MAPKAPK2: variants seen among roughly 807,000 people sequenced by gnomAD.
MAPKAPK2 encodes MAP kinase-activated protein kinase 2.
A neutral mutation model predicts 48.8 loss-of-function variants in MAPKAPK2; 9 were observed. That is an observed-to-expected ratio of 0.18 (90% CI 0.11 to 0.32). The LOEUF is 0.32. Ranked by LOEUF, MAPKAPK2 falls within the 10% of genes least tolerant of loss-of-function variation. The probability of loss-of-function intolerance (pLI) is 1.00; values close to 1 mark genes in which losing one functional copy is unlikely to be tolerated. For synonymous variants in MAPKAPK2, 202 were observed against 190.6 expected, an observed-to-expected ratio of 1.06 and a Z score of -0.49; for missense variants, 331 against 498.3, an observed-to-expected ratio of 0.66 and a Z score of 3.20.
chr1:206,700,315 C>A (rs1553427728), intron 1 of MAPKAPK2, among the ~76,000 whole-genome samples: 2 of 152,142 alleles, frequency 1.3e-5, no homozygotes, highest in African/African-American at 4.8e-5. Flanking sequence ...TCCACTCACA[C>A]CTGGAAGGTT....
Position 206,732,741 on chromosome 1 carries a change from G to A in MAPKAPK2, c.*23G>A, listed in dbSNP as rs377226143. The A allele has an allele frequency of 4.1e-5, 66 of 1,613,202 alleles. No individual in the cohort carries two copies. Among genetic ancestry groups the A allele is most frequent in the Middle Eastern group, 3.3e-4 (2 of 6,070 alleles). ...TGAGCCACCGCGCCCTCCTGCCCAC[G>A]GGAGGACAAGCAATAACTCTCTACA... On this transcript the variant is annotated 3_prime_UTR_variant, in exon 10 of 10. Transcript: ENST00000367103. The surrounding 1 kb of genome is among the most constrained non-coding windows in gnomAD (Gnocchi z 4.4).
At chr1:206,690,841 G>A (rs1189364928) in intron 1 of MAPKAPK2, among the ~76,000 whole-genome samples, 2 of 152,210 alleles carry the variant, frequency 1.3e-5, no homozygotes, top group Non-Finnish European at 2.9e-5. Flanking sequence ...GTTCTTCCTG[G>A]TGGCGTGATG....
chr1:206,711,606 TC>T lies in MAPKAPK2; in HGVS notation c.280-17103del, dbSNP rs1440356572. On this transcript the variant is annotated intron_variant, in intron 1 of 9. Transcript: ENST00000367103. ...TTCAGTATGTCTTAATCTACCTCAT[TC>T]TTTTTTTTTTTTTTTTTTTTTATGT... 3.6e-5 allele frequency among the ~76,000 whole-genome samples: 5 copies of T among 139,616 alleles called. No individual in the cohort carries two copies. The Admixed American group carries it at 3.7e-4, about 10-fold the overall frequency. The allele number at this position is 139,616 out of a possible 152,430, so 91.6% of individuals were successfully genotyped here. A position where few individuals can be genotyped will look rare whatever the true frequency, so the allele number is the denominator to read the frequency against.
chr1:206,703,975 C>T (rs1400571249), intron 1 of MAPKAPK2, among the ~76,000 whole-genome samples: 3 of 152,210 alleles, frequency 2.0e-5, no homozygotes, highest in Non-Finnish European at 4.4e-5. Context: ...GCATCTGCTT[C>T]TGGGTTCAGC....
intron 1 of MAPKAPK2, among the ~76,000 whole-genome samples, chr1:206,690,491 A>G (rs1672425053): frequency 6.6e-6 from 1 of 152,248 alleles, no homozygotes; most frequent in African/African-American, 2.4e-5. Context: ...TCTAGGAAAC[A>G]AAAGAACCCC....
At chr1:206,691,504 T>TATATATATATCTATATATATATATATAC (rs1424297313) in intron 1 of MAPKAPK2, among the ~76,000 whole-genome samples, 1 of 112,150 alleles carries the variant, frequency 8.9e-6, no homozygotes, top group Admixed American at 8.8e-5. Context: ...TATATATATA[T>TATATATATATCTATATATATATATATAC]ACACACATAC....
At chr1:206,718,636 C>T (rs1456864543) in intron 1 of MAPKAPK2, among the ~76,000 whole-genome samples, 4 of 152,116 alleles carry the variant, frequency 2.6e-5, no homozygotes, top group Admixed American at 6.5e-5. Context: ...CTGCTCTCCC[C>T]GTCGCCGTGG....
At chr1:206,713,626 G>A (rs528684462) in intron 1 of MAPKAPK2, among the ~76,000 whole-genome samples, 3 of 152,238 alleles carry the variant, frequency 2.0e-5, no homozygotes, top group East Asian at 3.9e-4. Flanking sequence ...TAGTACTTTC[G>A]GAGGCCGAGG....
intron 1 of MAPKAPK2, among the ~76,000 whole-genome samples, chr1:206,718,310 T>A (rs879964297): frequency 1.3e-5 from 2 of 152,154 alleles, no homozygotes; most frequent in Non-Finnish European, 2.9e-5. Flanking sequence ...GGCGGGCAGA[T>A]CACGAGGTCA....
At chr1:206,686,653 G>C (rs554056932) in intron 1 of MAPKAPK2, among the ~76,000 whole-genome samples, 4 of 152,312 alleles carry the variant, frequency 2.6e-5, no homozygotes, top group Non-Finnish European at 5.9e-5. Flanking sequence ...CCCCCACAGC[G>C]AGCTGTATTT....
intron 1 of MAPKAPK2, chr1:206,696,153 G>A: frequency 6.4e-7 from 1 of 1,565,266 alleles, no homozygotes; most frequent in Non-Finnish European, 8.8e-7. Flanking sequence ...GGACAAAAGT[G>A]TCATTGAAGG....
rs782650790 is a variant in MAPKAPK2 at position 206,730,689 on chromosome 1, T to C, written c.693T>C (p.Ala231=). 5 of 1,591,850 alleles carry C rather than the reference T, an allele frequency of 3.1e-6. 1 individual carries two copies. The South Asian group carries it at 5.5e-5, about 18-fold the overall frequency. ...CCCATGTTGACCTTTGATTTGCAGC[T>C]CCAGAAGTGCTGGGTCCAGAGAAGT... The part of the protein sequence containing the change: ...TTPCYTPYYV[A]PEVLGPEKYD... The change falls in exon 6 of 10, where the codon GCT becomes GCC. Residue 231 remains alanine (A), a splice_region_variant and synonymous_variant. Transcript: ENST00000367103.
At chr1:206,696,347 G>T in intron 1 of MAPKAPK2, 1 of 722,158 alleles carries the variant, frequency 1.4e-6, no homozygotes, top group South Asian at 1.6e-5. Context: ...TAAATCCCCT[G>T]AAAACCTACA....
chr1:206,729,510 G>A, intron 4 of MAPKAPK2, 35 bp downstream of exon 4: 1 of 1,585,376 alleles, frequency 6.3e-7, no homozygotes, highest in Admixed American at 1.7e-5. Context: ...CCCGAGTGCT[G>A]TGGGGGGCAA....
chr1:206,694,542 C>T (rs1314594297), intron 1 of MAPKAPK2, among the ~76,000 whole-genome samples: 1 of 152,240 alleles, frequency 6.6e-6, no homozygotes, highest in Non-Finnish European at 1.5e-5. Context: ...TCCTTGGCTT[C>T]TGTGATTCCT....
At chr1:206,685,628 C>A (rs1301712723) in intron 1 of MAPKAPK2, 120 bp downstream of exon 1, 4 of 732,992 alleles carry the variant, frequency 5.5e-6, no homozygotes, top group Non-Finnish European at 6.7e-6. Context: ...CGCGGCGGGG[C>A]GGGGCGGGGC....
intron 1 of MAPKAPK2, among the ~76,000 whole-genome samples, chr1:206,715,836 C>T (rs1553430273): frequency 6.6e-6 from 1 of 151,784 alleles, no homozygotes; most frequent in African/African-American, 2.4e-5. Context: ...CTGTGTTGCC[C>T]AGGCTGGTCT....
intron 5 of MAPKAPK2, 28 bp from the exon 6 acceptor site, chr1:206,730,660 C>T (rs1188337236): frequency 6.2e-7 from 1 of 1,601,280 alleles, no homozygotes; most frequent in African/African-American, 1.3e-5. Context: ...TGAGGGCCGG[C>T]CCACCCATGT....
rs56752335 is a variant in MAPKAPK2 at position 206,691,482 on chromosome 1, G to GATATATATATATATATATATATATATAT, written c.279+5997_279+5998insTATATATATATATATATATATATATATA. 5.1e-3 allele frequency among the ~76,000 whole-genome samples: 390 copies of GATATATATATATATATATATATATATAT among 76,996 alleles called. 7 individuals carry two copies. The highest frequency in any genetic ancestry group is 7.2e-3 in the South Asian group (14 of 1,940). 50.5% of individuals were successfully genotyped at this position (76,996 alleles called of 152,430 possible). A position where few individuals can be genotyped will look rare whatever the true frequency, so the allele number is the denominator to read the frequency against. The stretch of plus-strand genomic sequence containing the variant: ...AAAATACTGGTATTTTGTATTTTAA[G>GATATATATATATATATATATATATATAT]ATATATATATATATATATATATACA... On this transcript the variant is annotated intron_variant, in intron 1 of 9. Transcript: ENST00000367103.
Sources: gnomAD v4.1 joint callset for allele counts (sites outside exome capture counted in the v4.1 genomes callset) on GRCh38, gnomAD v4.1.1 for gene constraint, Gnocchi (gnomAD v3.1) non-coding constraint, MANE v1.5 for transcripts, NCBI Gene and HGNC (gene_info 2026-07-23, HGNC 2026-07-21) for gene names.